Variants in KCNAB2 observed in about 807,000 individuals in gnomAD.
KCNAB2 encodes the protein potassium voltage-gated channel subfamily A regulatory beta subunit 2, also known as voltage-gated potassium channel subunit beta-2.
In KCNAB2, 29 loss-of-function variants were observed where a neutral mutation model predicts 63.6. The observed-to-expected ratio is 0.46, with a 90% CI of 0.34 to 0.62. KCNAB2 has a LOEUF of 0.62. Among genes scored for constraint, KCNAB2 ranks in the 20% least tolerant of loss-of-function variants. The pLI is 0.01. For missense variants in KCNAB2, 359 were observed against 563.9 expected (o/e 0.64, Z 3.68); for synonymous variants, 222 against 224.2 (o/e 0.99, Z 0.09).
At chr1:6,045,739 C>T (rs187322988), upstream of KCNAB2, among the ~76,000 whole-genome samples, 7 of 152,314 alleles carry the variant, frequency 4.6e-5, no homozygotes, top group East Asian at 1.4e-3. This position sits in a 1 kb window ranked among gnomAD's most constrained non-coding sequence, Gnocchi z 4.8. Flanking sequence ...CACTCAGATA[C>T]CAAAGAGCAA....
At chr1:6,040,678 C>T (rs958762441) in intron 2 of KCNAB2, 1 of 1,387,662 alleles carries the variant, frequency 7.2e-7, no homozygotes. Context: ...AGGCCCCCTC[C>T]CAGGGTCAGT....
Position 6,096,525 on chromosome 1 carries a change from C to T in KCNAB2, c.949-111C>T, listed in dbSNP as rs1665653308. 1 of 1,382,046 alleles carries T rather than the reference C, an allele frequency of 7.2e-7. No homozygotes were observed. Among genetic ancestry groups the T allele is most frequent in the South Asian group, 1.5e-5 (1 of 67,352 alleles). The allele number at this position is 1,382,046 out of a possible 1,614,324, so 85.6% of individuals were successfully genotyped here. Reference sequence around the variant, plus strand: ...CCCTGGCTTCAAGATGAGAAGAGCCCCTATGAGGGAGAAGGGTCCAGAAGG... The same window carrying T: ...CCCTGGCTTCAAGATGAGAAGAGCCTCTATGAGGGAGAAGGGTCCAGAAGG... On this transcript the variant is annotated intron_variant, in intron 13 of 15. Coordinates refer to ENST00000378083, the MANE Select transcript of KCNAB2 (RefSeq NM_001199862.2). This position sits in a 1 kb window ranked among gnomAD's most constrained non-coding sequence, Gnocchi z 5.9.
At chr1:6,040,586 G>A (rs138650831) in exon 2 of KCNAB2, 134 of 1,614,170 alleles carry the variant, frequency 8.3e-5, no homozygotes, top group South Asian at 4.9e-4. Context: ...CAGAATCAAC[G>A]ACGGGCTCCC....
In KCNAB2 at chr1:6,086,683, G is replaced by C. The variant is rs1664725893; in HGVS notation, c.426-784G>C. 6.6e-6 allele frequency among the ~76,000 whole-genome samples: 1 copy of C among 152,176 alleles called. No homozygotes were observed. ...CCATCCCACCAGGACAAAGCCACTG[G>C]TATGGGCATTTGTCTCGTGTGGACT... On this transcript the variant is annotated intron_variant, in intron 6 of 15. Transcript: ENST00000378083. The surrounding 1 kb of genome is among the most constrained non-coding windows in gnomAD (Gnocchi z 4.2).
rs1249662463 is a variant in KCNAB2, at chr1:6,094,387, T to C, written c.647-13T>C. 6.2e-7 allele frequency: 1 copy of C among 1,603,750 alleles called. No individual in the cohort carries two copies. Among genetic ancestry groups the C allele is most frequent in the Non-Finnish European group, 8.5e-7 (1 of 1,175,480 alleles). ...CTGCCCCCCACCTGCGGTTTCCCTT[T>C]CTCTCACGACAGAGACCGTCCGCGC... On this transcript the variant is annotated splice_polypyrimidine_tract_variant and intron_variant, in intron 10 of 15. Transcript: ENST00000378083.
rs116266326 is a variant in KCNAB2 at position 6,060,534 on chromosome 1, C to T, written c.218+8780C>T. On this transcript the variant is annotated intron_variant, in intron 2 of 15. Coordinates refer to ENST00000378083, the MANE Select transcript of KCNAB2 (RefSeq NM_001199862.2). Reference sequence around the variant, plus strand: ...GGTGTAAACCACACTCCGTTCAGCACGGACAAGGCGGTCTCTGCAGGATGC... The same window carrying T: ...GGTGTAAACCACACTCCGTTCAGCATGGACAAGGCGGTCTCTGCAGGATGC... Among the ~76,000 whole-genome samples, 280 of 152,264 alleles carry T rather than the reference C, an allele frequency of 1.8e-3. 1 individual carries two copies. Among genetic ancestry groups the T allele is most frequent in the African/African-American group, 6.2e-3 (257 of 41,562 alleles).
chr1:5,999,266 G>A (rs1031248852), intron 1 of KCNAB2, among the ~76,000 whole-genome samples: 10 of 152,170 alleles, frequency 6.6e-5, no homozygotes, highest in African/African-American at 2.4e-4. Context: ...ATATCGGTGT[G>A]CCCAGCAGGC....
intron 8 of KCNAB2, 85 bp downstream of exon 8, chr1:6,089,136 C>T (rs1271053821): frequency 6.6e-6 from 9 of 1,372,070 alleles, no homozygotes; most frequent in South Asian, 5.0e-5. Flanking sequence ...CAGGGCCCGA[C>T]CCCCCCAGTT....
At chr1:6,001,338 A>AAC (rs1471752208) in intron 1 of KCNAB2, among the ~76,000 whole-genome samples, 2 of 149,732 alleles carry the variant, frequency 1.3e-5, no homozygotes, top group Non-Finnish European at 3.0e-5. Context: ...ACACTCTCCC[A>AAC]ACACACACAC....
intron 4 of KCNAB2, among the ~76,000 whole-genome samples, chr1:6,079,118 G>A (rs1200082157): frequency 1.3e-5 from 2 of 152,204 alleles, no homozygotes; most frequent in African/African-American, 4.8e-5. Flanking sequence ...CGGAGCACAG[G>A]TGAGCGAGAC....
At chr1:6,032,284 AAAAG>A (rs1406411779), upstream of KCNAB2, among the ~76,000 whole-genome samples, 1 of 152,168 alleles carries the variant, frequency 6.6e-6, no homozygotes, top group Non-Finnish European at 1.5e-5. Flanking sequence ...AATCATGAAA[AAAAG>A]AAAGAGCAGT....
intron 1 of KCNAB2, among the ~76,000 whole-genome samples, chr1:6,015,057 A>C (rs1175644721): frequency 9.6e-6 from 1 of 104,620 alleles, no homozygotes. Flanking sequence ...TTTGAGATGG[A>C]GTCTCACTCT....
chr1:6,005,534 G>A (rs977005312), intron 1 of KCNAB2, among the ~76,000 whole-genome samples: 4 of 150,164 alleles, frequency 2.7e-5, no homozygotes, highest in Admixed American at 1.3e-4. Context: ...ACCTGGAGCC[G>A]ACTGAGGGTC....
At chr1:6,075,379 G>T (rs1405243142) in intron 4 of KCNAB2, among the ~76,000 whole-genome samples, 1 of 152,252 alleles carries the variant, frequency 6.6e-6, no homozygotes, top group East Asian at 1.9e-4. Context: ...GCTGGCCCAG[G>T]CCTCTGCAGT....
chr1:6,055,526 T>C (rs1014613721), intron 2 of KCNAB2, among the ~76,000 whole-genome samples: 9 of 152,042 alleles, frequency 5.9e-5, no homozygotes, highest in Non-Finnish European at 8.8e-5. Flanking sequence ...TGACTAATTT[T>C]TGTATTTTTG....
intron 8 of KCNAB2, 68 bp downstream of exon 8, chr1:6,089,119 G>A: frequency 2.1e-6 from 3 of 1,462,564 alleles, no homozygotes; most frequent in Non-Finnish European, 2.8e-6. Context: ...CCAAAGTGAT[G>A]GCAGCACAGG....
intron 1 of KCNAB2, among the ~76,000 whole-genome samples, chr1:6,021,876 T>C (rs1658847175): frequency 6.6e-6 from 1 of 151,922 alleles, no homozygotes; most frequent in African/African-American, 2.4e-5. Flanking sequence ...TATGGTTCAG[T>C]GGTATTGAGT....
At chr1:6,033,721 G>T (rs1659817862), upstream of KCNAB2, among the ~76,000 whole-genome samples, 1 of 152,130 alleles carries the variant, frequency 6.6e-6, no homozygotes, top group African/African-American at 2.4e-5. Context: ...GACCTTCCTG[G>T]GTCCCCTGTC....
chr1:6,020,802 G>A (rs1658774900), intron 1 of KCNAB2, among the ~76,000 whole-genome samples: 1 of 152,158 alleles, frequency 6.6e-6, no homozygotes, highest in Non-Finnish European at 1.5e-5. Context: ...GAGTAGCTGG[G>A]ATTACAAGTG....
Sources: allele counts gnomAD v4.1 joint callset (sites outside exome capture counted in the v4.1 genomes callset), GRCh38; gene constraint gnomAD v4.1.1; non-coding constraint Gnocchi (gnomAD v3.1); transcripts MANE v1.5; gene names NCBI Gene and HGNC (gene_info 2026-07-23, HGNC 2026-07-21).